The following FGFR2 variants were observed in gnomAD, a reference collection of about 807,000 sequenced individuals.
FGFR2 encodes BEK fibroblast growth factor receptor.
Under a neutral mutation model 95.9 loss-of-function variants are expected in FGFR2, and 19 were observed. That is an observed-to-expected ratio of 0.20 (90% CI 0.14 to 0.29). The LOEUF is 0.29. Among genes scored for constraint, FGFR2 ranks in the 10% least tolerant of loss-of-function variants. FGFR2 has a pLI of 1.00. For synonymous variants in FGFR2, 392 were observed against 393.3 expected, an observed-to-expected ratio of 1.00 and a Z score of 0.04; for missense variants, 707 against 1,056.9, an observed-to-expected ratio of 0.67 and a Z score of 4.59.
chr10:121,571,338 T>TTG (rs1483947477), intron 2 of FGFR2, among the ~76,000 whole-genome samples: 2 of 124,134 alleles, frequency 1.6e-5, no homozygotes, highest in African/African-American at 3.2e-5. Context: ...TCTCGCTCTC[T>TTG]CCCAGGCTGG....
intron 13 of FGFR2, 60 bp from the exon 14 acceptor site, chr10:121,488,173 G>C (rs1589723747): frequency 1.2e-6 from 2 of 1,600,158 alleles, no homozygotes; most frequent in East Asian, 2.2e-5. Context: ...AGAACAAAAA[G>C]GAAATATGTT....
chr10:121,570,044 C>T (rs1052720646), intron 2 of FGFR2, among the ~76,000 whole-genome samples: 100 of 152,218 alleles, frequency 6.6e-4, no homozygotes, highest in African/African-American at 2.3e-3. Flanking sequence ...AAATGCCACA[C>T]TGGTAGCCTC....
chr10:121,479,731 C>T lies in FGFR2; in HGVS notation c.*126G>A, dbSNP rs1844428770. 1 of 1,610,198 alleles carries T rather than the reference C, an allele frequency of 6.2e-7. No homozygotes were observed. The highest frequency in any genetic ancestry group is 2.2e-5 in the East Asian group (1 of 44,816). On this transcript the variant is annotated 3_prime_UTR_variant, in exon 18 of 18. Coordinates refer to ENST00000358487, the MANE Select transcript of FGFR2 (RefSeq NM_000141.5). Reference sequence around the variant, plus strand: ...TTTACACATATGCTGATTACTTTTCCAATTATTTACTCCTCTGATCCATAT... The same window carrying T: ...TTTACACATATGCTGATTACTTTTCTAATTATTTACTCCTCTGATCCATAT...
chr10:121,499,766 A>G (rs375547702), intron 11 of FGFR2, among the ~76,000 whole-genome samples: 18 of 152,270 alleles, frequency 1.2e-4, no homozygotes, highest in African/African-American at 3.4e-4. Context: ...ACCTGGGGCA[A>G]GACAGCACAG....
intron 2 of FGFR2, among the ~76,000 whole-genome samples, chr10:121,577,524 G>A (rs778129053): frequency 2.0e-5 from 3 of 152,176 alleles, no homozygotes; most frequent in Non-Finnish European, 4.4e-5. Flanking sequence ...AATTATCTTC[G>A]GTTAGCATTC....
chr10:121,496,681 G>A lies in FGFR2; in HGVS notation c.1714C>T (p.Leu572Phe), dbSNP rs371854567. Residue 572 changes from leucine (L) to phenylalanine (F), a missense_variant, in exon 13 of 18, where the codon CTC becomes TTC. Leu to Phe is a conservative substitution (Grantham distance 22). Around this residue, in one of 7 missense-constraint regions of FGFR2, gnomAD observed 4 missense variants for 18.9 expected, o/e 0.21. Transcript: ENST00000358487. ...VIVEYASKGN[L>F]REYLRARRPP... Reference sequence around the variant, plus strand: ...CTCCGGGCTCGGAGGTATTCTCGGAGGTTGCCTTTAGAGGCATACTCAACT... The same window carrying A: ...CTCCGGGCTCGGAGGTATTCTCGGAAGTTGCCTTTAGAGGCATACTCAACT... 1 of 1,612,226 alleles carries A rather than the reference G, an allele frequency of 6.2e-7. No individual in the cohort carries two copies. Among genetic ancestry groups the A allele is most frequent in the Non-Finnish European group, 8.5e-7 (1 of 1,180,012 alleles).
Position 121,565,425 on chromosome 10 carries a change from C to A in FGFR2, c.376+13G>T. 1.2e-6 allele frequency: 2 copies of A among 1,613,850 alleles called. 1 individual carries two copies. Among genetic ancestry groups the A allele is most frequent in the South Asian group, 2.2e-5 (2 of 91,074 alleles). Reference sequence around the variant, plus strand: ...CAGAGAAGAGAGAGCATAGTGCTGGCGGGCCAACTCACCTGTGACATTCAC... The same window carrying A: ...CAGAGAAGAGAGAGCATAGTGCTGGAGGGCCAACTCACCTGTGACATTCAC... On this transcript the variant is annotated intron_variant, in intron 3 of 17. Coordinates refer to ENST00000358487, the MANE Select transcript of FGFR2 (RefSeq NM_000141.5).
chr10:121,567,164 C>T (rs893654393), intron 2 of FGFR2, among the ~76,000 whole-genome samples: 1 of 152,116 alleles, frequency 6.6e-6, no homozygotes, highest in African/African-American at 2.4e-5. Context: ...GAAATCAAGT[C>T]AATCTGTGTT....
At chr10:121,500,110 T>C (rs1394327341) in intron 11 of FGFR2, among the ~76,000 whole-genome samples, 1 of 152,234 alleles carries the variant, frequency 6.6e-6, no homozygotes, top group African/African-American at 2.4e-5. Flanking sequence ...ATGTGACAGT[T>C]CCCTATAACT....
At chr10:121,581,131 A>G (rs1426293396) in intron 2 of FGFR2, among the ~76,000 whole-genome samples, 1 of 152,174 alleles carries the variant, frequency 6.6e-6, no homozygotes, top group Admixed American at 6.5e-5. Flanking sequence ...ACCCACTCAA[A>G]TACGGCCTGG....
intron 4 of FGFR2, among the ~76,000 whole-genome samples, chr10:121,551,844 C>G (rs1440113043): frequency 6.6e-6 from 1 of 152,136 alleles, no homozygotes; most frequent in Non-Finnish European, 1.5e-5. Flanking sequence ...ATTGCCACAC[C>G]TATTAAATGA....
chr10:121,541,801 A>G (rs1021681376), intron 5 of FGFR2, among the ~76,000 whole-genome samples: 1 of 152,156 alleles, frequency 6.6e-6, no homozygotes, highest in Non-Finnish European at 1.5e-5. Context: ...AAAGATTCCA[A>G]TTGAGAATGG....
chr10:121,589,738 T>C (rs1170511990), intron 2 of FGFR2, among the ~76,000 whole-genome samples: 2 of 152,238 alleles, frequency 1.3e-5, no homozygotes, highest in African/African-American at 2.4e-5. Flanking sequence ...GAATGTGTAC[T>C]TCATTGTGTA....
At chr10:121,533,852 A>T (rs1852423913) in intron 6 of FGFR2, among the ~76,000 whole-genome samples, 1 of 152,172 alleles carries the variant, frequency 6.6e-6, no homozygotes, top group Non-Finnish European at 1.5e-5. Context: ...CTTACTTAGC[A>T]AATCACTTAC....
At position 121,565,883 on chromosome 10, in the gene FGFR2, G is replaced by C. The variant is rs2981452; in HGVS notation, c.110-179C>G. On this transcript the variant is annotated intron_variant, in intron 2 of 17. Coordinates refer to ENST00000358487, the MANE Select transcript of FGFR2 (RefSeq NM_000141.5). ...CCAGGAAGTCAGGAAGTATCTGGAA[G>C]AGCAACCAGAGGATACCCCCAGAAA... The C allele has an allele frequency of 0.17, 116,204 of 695,198 alleles. 10,703 individuals carry two copies. The highest frequency in any genetic ancestry group is 0.28 in the African/African-American group (15,764 of 56,218). The allele number at this position is 695,198 out of a possible 1,614,324, so 43.1% of individuals were successfully genotyped here. A position where few individuals can be genotyped will look rare whatever the true frequency, so the allele number is the denominator to read the frequency against.
intron 6 of FGFR2, among the ~76,000 whole-genome samples, chr10:121,532,436 C>T (rs778339959): frequency 8.5e-5 from 13 of 152,152 alleles, no homozygotes; most frequent in East Asian, 1.9e-4. Context: ...CCTTCCATCA[C>T]GAGCAAGTGA....
intron 5 of FGFR2, among the ~76,000 whole-genome samples, chr10:121,547,409 T>A (rs1177120058): frequency 1.3e-5 from 2 of 151,510 alleles, no homozygotes; most frequent in African/African-American, 4.8e-5. Context: ...TCTTTTTTTT[T>A]TTTTTGACAG....
intron 4 of FGFR2, among the ~76,000 whole-genome samples, chr10:121,559,111 G>GAAAAAAAAAAAAAA: frequency 1.8e-5 from 1 of 55,230 alleles, no homozygotes. Flanking sequence ...TCCAAAAGGA[G>GAAAAAAAAAAAAAA]AAAAAAAAAA....
chr10:121,541,879 A>T (rs1853808039), intron 5 of FGFR2, among the ~76,000 whole-genome samples: 1 of 152,062 alleles, frequency 6.6e-6, no homozygotes, highest in Non-Finnish European at 1.5e-5. Flanking sequence ...AGCAGCACAC[A>T]TTTTTTTTGA....
Sources: allele counts gnomAD v4.1 joint callset (sites outside exome capture counted in the v4.1 genomes callset), GRCh38; gene constraint gnomAD v4.1.1; regional missense constraint gnomAD v4.1.1; transcripts MANE v1.5; gene names NCBI Gene and HGNC (gene_info 2026-07-23, HGNC 2026-07-21).